The following PDZD2 variants were observed in gnomAD, a reference collection of about 807,000 sequenced individuals.
PDZD2 encodes the protein PDZ domain-containing protein 2.
A neutral mutation model predicts 220.7 loss-of-function variants in PDZD2; 90 were observed. The ratio of observed to expected loss-of-function variants is 0.41; its 90% confidence interval spans 0.34 to 0.49. The LOEUF (loss-of-function observed/expected upper bound fraction) is 0.49, where lower values mean the gene tolerates loss of function less well. Ranked by LOEUF, PDZD2 falls within the 20% of genes least tolerant of loss-of-function variation. The pLI, the probability that PDZD2 is intolerant of heterozygous loss-of-function variation, is 0.28. For missense variants in PDZD2, 3,174 were observed against 3,608.5 expected (o/e 0.88, Z 3.08); for synonymous variants, 1,375 against 1,450.5 (o/e 0.95, Z 1.18).
chr5:31,898,770 C>G (rs916300131), intron 2 of PDZD2, among the ~76,000 whole-genome samples: 12 of 147,944 alleles, frequency 8.1e-5, no homozygotes, highest in Non-Finnish European at 1.8e-4. Context: ...TCCAGGACGG[C>G]TTTGGGATCC....
chr5:31,782,630 T>C (rs375940391), intron 1 of PDZD2, among the ~76,000 whole-genome samples: 1 of 151,810 alleles, frequency 6.6e-6, no homozygotes, highest in Non-Finnish European at 1.5e-5. Flanking sequence ...TCTCTAAGGA[T>C]TGGATCTGGA....
chr5:32,082,817 G>A (rs1021346436), intron 19 of PDZD2, among the ~76,000 whole-genome samples: 2 of 152,156 alleles, frequency 1.3e-5, no homozygotes, highest in African/African-American at 4.8e-5. Context: ...TGTGTTGATT[G>A]TGAGGTCTGA....
intron 2 of PDZD2, among the ~76,000 whole-genome samples, chr5:31,851,966 C>G (rs1193187949): frequency 1.3e-5 from 2 of 151,868 alleles, no homozygotes; most frequent in African/African-American, 4.8e-5. Context: ...AAGTGATTCT[C>G]GTGCCTCAGC....
chr5:31,944,184 A>C (rs1300337958), intron 2 of PDZD2, among the ~76,000 whole-genome samples: 2 of 152,236 alleles, frequency 1.3e-5, no homozygotes, highest in Non-Finnish European at 2.9e-5. Flanking sequence ...TTTAAAATAT[A>C]ATTTTTGAAA....
chr5:31,871,333 T>G (rs1166444205), intron 2 of PDZD2, among the ~76,000 whole-genome samples: 2 of 152,222 alleles, frequency 1.3e-5, no homozygotes, highest in African/African-American at 4.8e-5. Flanking sequence ...AGCCTTTTGA[T>G]CTAATGGAGA....
intron 3 of PDZD2, among the ~76,000 whole-genome samples, chr5:31,993,538 T>C (rs954450302): frequency 3.3e-5 from 5 of 152,266 alleles, no homozygotes; most frequent in Non-Finnish European, 5.9e-5. Context: ...ATTTTCTAAA[T>C]GCCACACATT....
intron 2 of PDZD2, among the ~76,000 whole-genome samples, chr5:31,810,217 G>A (rs986037742): frequency 4.0e-5 from 6 of 150,360 alleles, no homozygotes; most frequent in African/African-American, 1.5e-4. Flanking sequence ...CTCTCGTTTT[G>A]AGCACCATAT....
chr5:32,062,589 T>TAC (rs1739795273), intron 14 of PDZD2, among the ~76,000 whole-genome samples: 1 of 152,110 alleles, frequency 6.6e-6, no homozygotes, highest in Non-Finnish European at 1.5e-5. Context: ...AGATGGGGTT[T>TAC]CACCATGTTG....
At chr5:31,916,119 T>A (rs1011355718) in intron 2 of PDZD2, among the ~76,000 whole-genome samples, 18 of 152,210 alleles carry the variant, frequency 1.2e-4, no homozygotes, top group African/African-American at 3.4e-4. Context: ...GGAATTTATT[T>A]TTCCATCTTG....
intron 1 of PDZD2, among the ~76,000 whole-genome samples, chr5:31,769,016 T>C (rs1389214871): frequency 6.6e-6 from 1 of 152,058 alleles, no homozygotes; most frequent in Non-Finnish European, 1.5e-5. Flanking sequence ...AATGAATGAG[T>C]GAATGAACTG....
chr5:31,943,041 A>C (rs1746343600), intron 2 of PDZD2, among the ~76,000 whole-genome samples: 1 of 152,114 alleles, frequency 6.6e-6, no homozygotes, highest in Non-Finnish European at 1.5e-5. Flanking sequence ...CGTCTCTACC[A>C]AAAATACAAA....
At chr5:31,837,767 G>A (rs563245839) in intron 2 of PDZD2, among the ~76,000 whole-genome samples, 1 of 152,142 alleles carries the variant, frequency 6.6e-6, no homozygotes, top group Non-Finnish European at 1.5e-5. Context: ...TGTGCCTGTA[G>A]TGCCAGCTGC....
chr5:31,977,576 A>C (rs962947732), intron 2 of PDZD2, among the ~76,000 whole-genome samples: 1 of 152,192 alleles, frequency 6.6e-6, no homozygotes, highest in African/African-American at 2.4e-5. Context: ...ATGATAGAGC[A>C]TCAAGGAACA....
intron 23 of PDZD2, chr5:32,100,673 T>A (rs530298334): frequency 1.1e-5 from 4 of 369,874 alleles, no homozygotes; most frequent in African/African-American, 8.5e-5. Context: ...TGCTGCCAAG[T>A]CTTGGTACCA....
chr5:31,640,761 G>C (rs1053239032), intron 1 of PDZD2, among the ~76,000 whole-genome samples: 3 of 152,052 alleles, frequency 2.0e-5, no homozygotes, highest in Non-Finnish European at 2.9e-5. Context: ...CCTGGCTGTA[G>C]GTGGTGGTTC....
chr5:31,728,380 C>A (rs1749306233), intron 1 of PDZD2, among the ~76,000 whole-genome samples: 1 of 152,020 alleles, frequency 6.6e-6, no homozygotes, highest in African/African-American at 2.4e-5. Context: ...GTGAATAAAT[C>A]CTTGTTACAT....
chr5:31,662,925 T>C (rs1220325795), intron 1 of PDZD2, among the ~76,000 whole-genome samples: 3 of 152,210 alleles, frequency 2.0e-5, no homozygotes, highest in East Asian at 1.9e-4. Context: ...CCACCTCACC[T>C]GGCCAAGGCC....
At chr5:31,693,315 C>T (rs1747223135) in intron 1 of PDZD2, among the ~76,000 whole-genome samples, 1 of 149,298 alleles carries the variant, frequency 6.7e-6, no homozygotes, top group African/African-American at 2.5e-5. Flanking sequence ...GATCTCGGCT[C>T]ACTGCAACCT....
chr5:31,976,097 G>A (rs933673543), intron 2 of PDZD2, among the ~76,000 whole-genome samples: 1 of 152,098 alleles, frequency 6.6e-6, no homozygotes, highest in Non-Finnish European at 1.5e-5. Context: ...GTCTAGGGAG[G>A]CTTTTGGAAT....
Sources: allele counts gnomAD v4.1 joint callset (sites outside exome capture counted in the v4.1 genomes callset), GRCh38; gene constraint gnomAD v4.1.1; transcripts MANE v1.5; gene names NCBI Gene and HGNC (gene_info 2026-07-23, HGNC 2026-07-21).